The following SPIDR variants were observed in gnomAD, a reference collection of about 807,000 sequenced individuals.
SPIDR encodes the protein scaffold protein involved in DNA repair.
Under a neutral mutation model 104.6 loss-of-function variants are expected in SPIDR, and 93 were observed. The observed-to-expected ratio is 0.89, with a 90% CI of 0.75 to 1.06. The LOEUF (loss-of-function observed/expected upper bound fraction) is 1.06, where lower values mean the gene tolerates loss of function less well. Ranked by LOEUF, SPIDR falls within the 50% of genes least tolerant of loss-of-function variation. SPIDR has a pLI of 0.00. For missense variants in SPIDR, 1,154 were observed against 1,111.2 expected, an observed-to-expected ratio of 1.04 and a Z score of -0.55; for synonymous variants, 431 against 416.9, an observed-to-expected ratio of 1.03 and a Z score of -0.41.
chr8:47,275,324 G>A (rs1423806531), intron 1 of SPIDR, among the ~76,000 whole-genome samples: 1 of 151,704 alleles, frequency 6.6e-6, no homozygotes, highest in Non-Finnish European at 1.5e-5. Context: ...CATAACATAA[G>A]CATTTTGATA....
At chr8:47,661,850 G>A (rs761062689) in intron 10 of SPIDR, among the ~76,000 whole-genome samples, 2 of 152,232 alleles carry the variant, frequency 1.3e-5, no homozygotes, top group African/African-American at 2.4e-5. Flanking sequence ...GTGCCTTGTC[G>A]ATAGTGGCAG....
At chr8:47,293,366 A>G (rs1222399651) in intron 4 of SPIDR, among the ~76,000 whole-genome samples, 11 of 152,370 alleles carry the variant, frequency 7.2e-5, no homozygotes, top group South Asian at 4.1e-4. Flanking sequence ...ACACCTAATA[A>G]AAGTAGTTAA....
At chr8:47,427,768 G>A (rs561901771) in intron 7 of SPIDR, among the ~76,000 whole-genome samples, 51 of 152,236 alleles carry the variant, frequency 3.4e-4, no homozygotes, top group Admixed American at 4.6e-4. Flanking sequence ...TGTCGCAAGC[G>A]TGTAGCCAGA....
intron 8 of SPIDR, among the ~76,000 whole-genome samples, chr8:47,563,412 A>G (rs1262672404): frequency 1.3e-5 from 2 of 151,940 alleles, no homozygotes; most frequent in African/African-American, 4.8e-5. Flanking sequence ...GATTCAAGCT[A>G]TTCTTCGCCT....
chr8:47,260,892 GTGCGGCGCGCCGAGGTGGGAC>G (rs1178308871), upstream of SPIDR: 53 of 1,187,352 alleles, frequency 4.5e-5, no homozygotes, highest in Non-Finnish European at 5.2e-5. Flanking sequence ...GCAGGGCGCG[GTGCGGCGCGCCGAGGTGGGAC>G]GGCGGCGCGC....
At chr8:47,401,588 A>G (rs2061895470) in intron 6 of SPIDR, among the ~76,000 whole-genome samples, 1 of 152,176 alleles carries the variant, frequency 6.6e-6, no homozygotes, top group African/African-American at 2.4e-5. Flanking sequence ...CAGGAAACCC[A>G]TCTCACGTGC....
At chr8:47,537,763 A>G (rs571319257) in intron 8 of SPIDR, among the ~76,000 whole-genome samples, 2 of 152,324 alleles carry the variant, frequency 1.3e-5, no homozygotes, top group East Asian at 3.9e-4. Flanking sequence ...ACATTAATGC[A>G]AGATGTTAAT....
Position 47,713,609 on chromosome 8 carries a change from C to T in SPIDR, c.2309C>T (p.Ala770Val), listed in dbSNP as rs200807453. The change falls in exon 16 of 20, where the codon GCA becomes GTA. Residue 770 changes from alanine (A) to valine (V), a missense_variant. Ala to Val is a moderately conservative substitution (Grantham distance 64). Transcript: ENST00000297423. Reference sequence around the variant, plus strand: ...GTGATGCTCGACAGCCTGGACTCTGCAACACCTGTCAACTCCATCTGCAGT... The same window carrying T: ...GTGATGCTCGACAGCCTGGACTCTGTAACACCTGTCAACTCCATCTGCAGT... ...GPVMLDSLDS[A>V]TPVNSICSVQ... The T allele has an allele frequency of 1.4e-4, 228 of 1,614,172 alleles. 2 individuals carry two copies. The highest frequency in any genetic ancestry group is 4.2e-6 in the Non-Finnish European group (5 of 1,180,044).
chr8:47,417,954 G>A lies in SPIDR; in HGVS notation c.877+9993G>A, dbSNP rs189396081. Among the ~76,000 whole-genome samples, 34 of 152,118 alleles carry A rather than the reference G, an allele frequency of 2.2e-4. 1 individual carries two copies. The highest frequency in any genetic ancestry group is 2.9e-4 in the African/African-American group (12 of 41,498). ...GTTGTAGATATGTGGCATTATTTCC[G>A]AGGGCTCTGTTTTGTTCCATTGGTC... On this transcript the variant is annotated intron_variant, in intron 7 of 19. Transcript: ENST00000297423.
intron 5 of SPIDR, among the ~76,000 whole-genome samples, chr8:47,362,042 C>T (rs558992749): frequency 2.0e-5 from 3 of 152,326 alleles, no homozygotes; most frequent in African/African-American, 7.2e-5. Context: ...GCACAGCGTA[C>T]TGGTGGCCAG....
chr8:47,373,070 A>T (rs1342365087), intron 5 of SPIDR, among the ~76,000 whole-genome samples: 4 of 152,220 alleles, frequency 2.6e-5, no homozygotes, highest in Admixed American at 2.6e-4. Flanking sequence ...GAAATTGGAG[A>T]TACACCTGAA....
intron 8 of SPIDR, among the ~76,000 whole-genome samples, chr8:47,453,260 A>G (rs2072237763): frequency 6.6e-6 from 1 of 152,200 alleles, no homozygotes; most frequent in South Asian, 2.1e-4. Context: ...ATGGATAGGA[A>G]GAATCAGTGT....
chr8:47,330,972 G>C, intron 5 of SPIDR: 1 of 334,684 alleles, frequency 3.0e-6, no homozygotes, highest in Non-Finnish European at 6.0e-6. Flanking sequence ...ATTCCCACCA[G>C]CAAAAGAGTT....
intron 5 of SPIDR, among the ~76,000 whole-genome samples, chr8:47,300,951 T>C (rs1684357126): frequency 6.6e-6 from 1 of 152,218 alleles, no homozygotes; most frequent in Non-Finnish European, 1.5e-5. Flanking sequence ...GTTCTGTAGA[T>C]GTCTATTAGG....
At chr8:47,512,268 A>G (rs1171491309) in intron 8 of SPIDR, 3 of 270,794 alleles carry the variant, frequency 1.1e-5, no homozygotes, top group Non-Finnish European at 1.4e-5. Context: ...ATGGTTTAAT[A>G]GAGGGGGATG....
intron 5 of SPIDR, among the ~76,000 whole-genome samples, chr8:47,361,202 A>G (rs1004538686): frequency 6.6e-6 from 1 of 152,190 alleles, no homozygotes; most frequent in Non-Finnish European, 1.5e-5. Context: ...GTTCATATGG[A>G]GCATCAGGAG....
chr8:47,618,162 G>C (rs1305987917), intron 10 of SPIDR, among the ~76,000 whole-genome samples: 1 of 151,934 alleles, frequency 6.6e-6, no homozygotes, highest in Non-Finnish European at 1.5e-5. Flanking sequence ...AATTCCTCTC[G>C]TGTCATTTTC....
intron 16 of SPIDR, among the ~76,000 whole-genome samples, chr8:47,715,158 T>TG (rs899696418): frequency 5.9e-5 from 9 of 151,884 alleles, no homozygotes; most frequent in East Asian, 1.9e-4. Flanking sequence ...TTCTGCTTTT[T>TG]GGGGGGGTTT....
At chr8:47,351,159 C>G (rs1444063432) in intron 5 of SPIDR, among the ~76,000 whole-genome samples, 1 of 152,180 alleles carries the variant, frequency 6.6e-6, no homozygotes, top group African/African-American at 2.4e-5. Context: ...CATGTTGTTA[C>G]AATCGTTCTA....
Sources: gnomAD v4.1 joint callset for allele counts (sites outside exome capture counted in the v4.1 genomes callset) on GRCh38, gnomAD v4.1.1 for gene constraint, MANE v1.5 for transcripts, NCBI Gene and HGNC (gene_info 2026-07-23, HGNC 2026-07-21) for gene names.